Variants in TMX2 observed in about 807,000 individuals in gnomAD.
TMX2 encodes the protein thioredoxin related transmembrane protein 2.
TMX2 carries 20 observed loss-of-function variants against 33.4 expected under a neutral mutation model. That is an observed-to-expected ratio of 0.60 (90% CI 0.42 to 0.87). The LOEUF (loss-of-function observed/expected upper bound fraction) is 0.87, where lower values mean the gene tolerates loss of function less well. Ranked by LOEUF, TMX2 falls within the 40% of genes least tolerant of loss-of-function variation. The pLI is 0.00. For missense variants in TMX2, 340 were observed against 370.7 expected (o/e 0.92, Z 0.68); for synonymous variants, 166 against 140.7 (o/e 1.18, Z -1.27).
In TMX2 at chr11:57,734,067, G is replaced by A. The variant is rs537439190; in HGVS notation, c.190-3541G>A. Among the ~76,000 whole-genome samples, 82 of 150,884 alleles carry A rather than the reference G, an allele frequency of 5.4e-4. 1 individual carries two copies. In the East Asian group the frequency reaches 6.1e-3, roughly 11 times the overall value. Reference sequence around the variant, plus strand: ...GGTGCCTGTAGTCCCAGCTACTCGGGAAGCTGAGGCAGGAGAATGGCGTGA... The same window carrying A: ...GGTGCCTGTAGTCCCAGCTACTCGGAAAGCTGAGGCAGGAGAATGGCGTGA... On this transcript the variant is annotated intron_variant, in intron 1 of 7. Coordinates refer to ENST00000278422, the MANE Select transcript of TMX2 (RefSeq NM_015959.4).
intron 1 of TMX2, among the ~76,000 whole-genome samples, chr11:57,716,256 G>T (rs1947009384): frequency 6.7e-6 from 1 of 148,752 alleles, no homozygotes; most frequent in African/African-American, 2.5e-5. Flanking sequence ...TGGCCGGGCG[G>T]GGGGCTGACC....
In TMX2 at chr11:57,740,358, G is replaced by A; in HGVS notation, c.*113G>A. 7.8e-7 allele frequency: 1 copy of A among 1,276,320 alleles called. No homozygotes were observed. The highest frequency in any genetic ancestry group is 1.0e-6 in the Non-Finnish European group (1 of 959,562). 79.1% of individuals were successfully genotyped at this position (1,276,320 alleles called of 1,614,324 possible). On this transcript the variant is annotated 3_prime_UTR_variant, in exon 8 of 8. Transcript: ENST00000278422. Reference sequence around the variant, plus strand: ...TTTTCCCTTTGGCTGTGACTGGGTGGGGCAGCATGCAGCTTCTGATTTTAA... The same window carrying A: ...TTTTCCCTTTGGCTGTGACTGGGTGAGGCAGCATGCAGCTTCTGATTTTAA...
rs1262352948 is a variant in TMX2, at chr11:57,739,043, T to C, written c.614+4T>C. 20 of 1,614,080 alleles carry C rather than the reference T, an allele frequency of 1.2e-5. No homozygotes were observed. Among genetic ancestry groups the C allele is most frequent in the African/African-American group, 4.0e-5 (3 of 74,930 alleles). ...GCTATACTGATGTTAGTACGCGGTA[T>C]GTAAAGACCTGGGCAGAGGGTCTGA... On this transcript the variant is annotated splice_donor_region_variant and intron_variant, in intron 6 of 7. Coordinates refer to ENST00000278422, the MANE Select transcript of TMX2 (RefSeq NM_015959.4).
intron 1 of TMX2, among the ~76,000 whole-genome samples, chr11:57,715,625 C>T (rs1438988150): frequency 2.6e-5 from 3 of 115,800 alleles, no homozygotes; most frequent in African/African-American, 6.7e-5. Context: ...GGGTGTTTCT[C>T]GCAGAGGGGG....
intron 1 of TMX2, among the ~76,000 whole-genome samples, chr11:57,726,220 C>T (rs1292310826): frequency 6.6e-6 from 1 of 151,934 alleles, no homozygotes; most frequent in Non-Finnish European, 1.5e-5. Flanking sequence ...CGAGACCACC[C>T]TGGGCAACAT....
At position 57,737,519 on chromosome 11, in the gene TMX2, T is replaced by C. The variant is rs553944599; in HGVS notation, c.190-89T>C. ...TTCCCATTCCCAGTTTGGATCGCTA[T>C]TGGTTTTTATTACATATTTAGTTCC... On this transcript the variant is annotated intron_variant, in intron 1 of 7. Coordinates refer to ENST00000278422, the MANE Select transcript of TMX2 (RefSeq NM_015959.4). 2.8e-3 allele frequency: 2,977 copies of C among 1,069,736 alleles called. 39 individuals are homozygous for C. Among genetic ancestry groups the C allele is most frequent in the Middle Eastern group, 0.01 (40 of 3,880 alleles). 66.3% of individuals were successfully genotyped at this position (1,069,736 alleles called of 1,614,324 possible).
intron 1 of TMX2, among the ~76,000 whole-genome samples, chr11:57,726,413 C>T (rs1293610230): frequency 6.6e-6 from 1 of 151,462 alleles, no homozygotes; most frequent in East Asian, 1.9e-4. Flanking sequence ...ACTCCATCTC[C>T]ATAAAAGATA....
chr11:57,727,211 C>T (rs1329051030), intron 1 of TMX2, among the ~76,000 whole-genome samples: 7 of 152,080 alleles, frequency 4.6e-5, no homozygotes, highest in Admixed American at 2.6e-4. Context: ...AAACAATTGG[C>T]TATTACATCA....
chr11:57,734,157 CAAAAAAAAAAAAAAAAA>C lies in TMX2; in HGVS notation c.190-3437_190-3421del, dbSNP rs60802364. ...CTGGGTGACAGAGAGACCCTGTCTC[CAAAAAAAAAAAAAAAAA>C]AAAAAAAAAAAAAGGACTGCAAGGG... is the stretch of plus-strand genomic sequence containing the variant. On this transcript the variant is annotated intron_variant, in intron 1 of 7. Transcript: ENST00000278422. 1.8e-4 allele frequency among the ~76,000 whole-genome samples: 9 copies of C among 49,766 alleles called. No individual in the cohort carries two copies. In the South Asian group the frequency reaches 6.7e-3, roughly 37 times the overall value. 32.6% of individuals were successfully genotyped at this position (49,766 alleles called of 152,430 possible).
intron 1 of TMX2, among the ~76,000 whole-genome samples, chr11:57,732,613 T>C (rs565431501): frequency 1.3e-5 from 2 of 152,340 alleles, no homozygotes; most frequent in South Asian, 4.1e-4. Context: ...TTTTAAAAAA[T>C]GCTTAGGGTT....
chr11:57,740,264 G>T lies in TMX2; in HGVS notation c.*19G>T. The stretch of plus-strand genomic sequence containing the variant: ...TAAATAAGATCCTCACTTTGGCAGT[G>T]CTTCCTCTCCTGTCAATTCCAGGCT... On this transcript the variant is annotated 3_prime_UTR_variant, in exon 8 of 8. Coordinates refer to ENST00000278422, the MANE Select transcript of TMX2 (RefSeq NM_015959.4). 6.4e-7 allele frequency: 1 copy of T among 1,566,830 alleles called. No individual in the cohort carries two copies. The highest frequency in any genetic ancestry group is 1.2e-5 in the South Asian group (1 of 82,868).
At chr11:57,726,703 T>C (rs1216702811) in intron 1 of TMX2, among the ~76,000 whole-genome samples, 1 of 152,152 alleles carries the variant, frequency 6.6e-6, no homozygotes, top group African/African-American at 2.4e-5. Flanking sequence ...GTGGGAAAAA[T>C]AGGTTTCTAC....
At chr11:57,716,270 C>T (rs1276793207) in intron 1 of TMX2, among the ~76,000 whole-genome samples, 1 of 148,180 alleles carries the variant, frequency 6.7e-6, no homozygotes, top group Non-Finnish European at 1.5e-5. Context: ...GCTGACCCCC[C>T]CCCACCTCCC....
At position 57,712,832 on chromosome 11, in the gene TMX2, C is replaced by T. The variant is rs767493052; in HGVS notation, c.189+25C>T. 4 of 1,613,290 alleles carry T rather than the reference C, an allele frequency of 2.5e-6. No homozygotes were observed. The South Asian group carries it at 3.3e-5, about 13-fold the overall frequency. The stretch of plus-strand genomic sequence containing the variant: ...GGTGAGCCTCCCGCGTGTTAGTACC[C>T]CGCGACCTTGACTGTCCCTGCCCTT... On this transcript the variant is annotated intron_variant, in intron 1 of 7. Coordinates refer to ENST00000278422, the MANE Select transcript of TMX2 (RefSeq NM_015959.4).
rs912616731 is a variant in TMX2 at position 57,740,449 on chromosome 11, A to T, written c.*204A>T. On this transcript the variant is annotated 3_prime_UTR_variant, in exon 8 of 8. Coordinates refer to ENST00000278422, the MANE Select transcript of TMX2 (RefSeq NM_015959.4). Reference sequence around the variant, plus strand: ...CTGCCATGCTGTGGCCAACTGTTTCACTGGAGCAAGAAAGAGATCTCATAG... The same window carrying T: ...CTGCCATGCTGTGGCCAACTGTTTCTCTGGAGCAAGAAAGAGATCTCATAG... 5 of 551,988 alleles carry T rather than the reference A, an allele frequency of 9.1e-6. No individual in the cohort carries two copies. Among genetic ancestry groups the T allele is most frequent in the Middle Eastern group, 2.7e-4 (1 of 3,676 alleles). The allele number at this position is 551,988 out of a possible 1,614,324, so 34.2% of individuals were successfully genotyped here.
chr11:57,719,944 G>T (rs1423458777), intron 1 of TMX2, among the ~76,000 whole-genome samples: 1 of 151,812 alleles, frequency 6.6e-6, no homozygotes, highest in Non-Finnish European at 1.5e-5. Flanking sequence ...CCCTTAAAGG[G>T]GTCTAGATGG....
intron 1 of TMX2, 130 bp downstream of exon 1, chr11:57,712,937 T>A: frequency 1.0e-6 from 1 of 954,754 alleles, no homozygotes; most frequent in Non-Finnish European, 1.6e-6. Context: ...TTAGAGACTA[T>A]TAAGTGCAGG....
chr11:57,712,813 C>G lies in TMX2; in HGVS notation c.189+6C>G. The G allele has an allele frequency of 6.2e-7, 1 of 1,613,864 alleles. No homozygotes were observed. Among genetic ancestry groups the G allele is most frequent in the Non-Finnish European group, 8.5e-7 (1 of 1,179,934 alleles). On this transcript the variant is annotated splice_donor_region_variant and intron_variant, in intron 1 of 7. Coordinates refer to ENST00000278422, the MANE Select transcript of TMX2 (RefSeq NM_015959.4). ...ACCCGTGTGACTTTGACTGGGTGAG[C>G]CTCCCGCGTGTTAGTACCCCGCGAC...
intron 1 of TMX2, among the ~76,000 whole-genome samples, chr11:57,716,535 A>G (rs1378273309): frequency 1.2e-5 from 1 of 82,118 alleles, no homozygotes; most frequent in Non-Finnish European, 2.4e-5. Flanking sequence ...GGCGCCCCTC[A>G]CCTCCCGGAC....
Sources: allele counts gnomAD v4.1 joint callset (sites outside exome capture counted in the v4.1 genomes callset), GRCh38; gene constraint gnomAD v4.1.1; transcripts MANE v1.5; gene names NCBI Gene and HGNC (gene_info 2026-07-23, HGNC 2026-07-21).